Variants in MECOM observed in about 807,000 individuals in gnomAD.
MECOM encodes the protein histone-lysine N-methyltransferase MECOM.
MECOM carries 13 observed loss-of-function variants against 116.3 expected under a neutral mutation model. The observed-to-expected ratio is 0.11, with a 90% CI of 0.07 to 0.18. The LOEUF is 0.18. Ranked by LOEUF, MECOM falls within the 10% of genes least tolerant of loss-of-function variation. MECOM has a pLI of 1.00. For missense variants in MECOM, 1,299 were observed against 1,509.0 expected, an observed-to-expected ratio of 0.86 and a Z score of 2.31; for synonymous variants, 528 against 535.2, an observed-to-expected ratio of 0.99 and a Z score of 0.19.
At chr3:169,160,333 T>C (rs1434935825) in intron 2 of MECOM, among the ~76,000 whole-genome samples, 1 of 151,924 alleles carries the variant, frequency 6.6e-6, no homozygotes, top group Admixed American at 6.6e-5. Flanking sequence ...AATAAGAATC[T>C]TCAAAATTAC....
chr3:169,616,713 A>G (rs1378715882), intron 1 of MECOM, among the ~76,000 whole-genome samples: 1 of 152,214 alleles, frequency 6.6e-6, no homozygotes, highest in Non-Finnish European at 1.5e-5. Flanking sequence ...TTCAAACTAC[A>G]TCACCTACCT....
intron 2 of MECOM, among the ~76,000 whole-genome samples, chr3:169,267,115 A>G (rs990276049): frequency 6.6e-6 from 1 of 152,244 alleles, no homozygotes; most frequent in African/African-American, 2.4e-5. Context: ...ACGATTTGCA[A>G]CCATGTTGAG....
intron 7 of MECOM, 106 bp downstream of exon 7, chr3:169,120,950 T>C: frequency 8.4e-7 from 1 of 1,187,194 alleles, no homozygotes; most frequent in Non-Finnish European, 1.2e-6. Flanking sequence ...CATAAATAGC[T>C]AACACGGTGA....
At chr3:169,200,157 A>G (rs965596524) in intron 2 of MECOM, among the ~76,000 whole-genome samples, 5 of 152,126 alleles carry the variant, frequency 3.3e-5, no homozygotes, top group Admixed American at 3.3e-4. Flanking sequence ...GTATTTAACC[A>G]CATGCAAACT....
chr3:169,388,166 C>CACA (rs1733675209), intron 1 of MECOM, among the ~76,000 whole-genome samples: 1 of 152,064 alleles, frequency 6.6e-6, no homozygotes, highest in African/African-American at 2.4e-5. Flanking sequence ...AGCACATGAG[C>CACA]ACAAGTCCAT....
chr3:169,586,965 G>A (rs569887882), intron 1 of MECOM, among the ~76,000 whole-genome samples: 1 of 152,240 alleles, frequency 6.6e-6, no homozygotes, highest in Admixed American at 6.5e-5. Context: ...CATTTATTGA[G>A]GACTATGTGC....
chr3:169,513,198 A>G (rs1307570853), intron 1 of MECOM, among the ~76,000 whole-genome samples: 1 of 152,200 alleles, frequency 6.6e-6, no homozygotes, highest in African/African-American at 2.4e-5. Flanking sequence ...AGCTTATGGC[A>G]GATTATGTCA....
At chr3:169,196,018 A>C (rs909391545) in intron 2 of MECOM, among the ~76,000 whole-genome samples, 21 of 152,062 alleles carry the variant, frequency 1.4e-4, no homozygotes, top group African/African-American at 5.1e-4. Flanking sequence ...CTTTGGACTT[A>C]GCCAGGATTC....
chr3:169,348,604 T>A (rs549411207), intron 2 of MECOM, among the ~76,000 whole-genome samples: 5 of 152,118 alleles, frequency 3.3e-5, no homozygotes, highest in African/African-American at 1.2e-4. Context: ...ACACTGTAAT[T>A]ACTATTATTA....
chr3:169,282,296 A>G (rs1348691754), intron 2 of MECOM, among the ~76,000 whole-genome samples: 2 of 152,172 alleles, frequency 1.3e-5, no homozygotes, highest in African/African-American at 4.8e-5. Context: ...TTTCAAGGTC[A>G]AGCAAGTAAG....
chr3:169,241,520 TA>T (rs767787007), intron 2 of MECOM, among the ~76,000 whole-genome samples: 19 of 152,124 alleles, frequency 1.2e-4, no homozygotes, highest in Non-Finnish European at 2.2e-4. Flanking sequence ...TACCTTAAGC[TA>T]GGGGGAAACA....
At chr3:169,343,167 C>T (rs1315470973) in intron 2 of MECOM, among the ~76,000 whole-genome samples, 1 of 152,128 alleles carries the variant, frequency 6.6e-6, no homozygotes, top group Admixed American at 6.6e-5. Flanking sequence ...CTGTCTTTAG[C>T]AGGTTTTTGT....
At position 169,115,501 on chromosome 3, in the gene MECOM, G is replaced by A; in HGVS notation, c.2371C>T (p.Pro791Ser). The A allele has an allele frequency of 6.2e-7, 1 of 1,614,054 alleles. No homozygotes were observed. Among genetic ancestry groups the A allele is most frequent in the Non-Finnish European group, 8.5e-7 (1 of 1,180,012 alleles). ...CCCCCAAACACGTGGTTTTTTCGAGGCTCAGTCAGCTTTGTCCCACTGGCT... is the reference window on the plus strand; with the variant it reads ...CCCCCAAACACGTGGTTTTTTCGAGACTCAGTCAGCTTTGTCCCACTGGCT... ...SRASGTKLTEPRKNHVFGGKK... is the reference protein window; with the variant it reads ...SRASGTKLTESRKNHVFGGKK... Residue 791 changes from proline (P) to serine (S), a missense_variant, in exon 8 of 17, where the codon CCT becomes TCT. Pro to Ser is a moderately conservative substitution (Grantham distance 74). Transcript: ENST00000651503.
intron 2 of MECOM, among the ~76,000 whole-genome samples, chr3:169,215,040 G>A (rs1577366569): frequency 6.6e-6 from 1 of 150,634 alleles, no homozygotes. Context: ...AAAATAGAAA[G>A]GCAGTTGTTA....
intron 1 of MECOM, among the ~76,000 whole-genome samples, chr3:169,545,791 T>C (rs1284331936): frequency 6.6e-6 from 1 of 152,150 alleles, no homozygotes; most frequent in Non-Finnish European, 1.5e-5. Context: ...TTCCCTGACA[T>C]GAATCTCTGC....
chr3:169,611,381 C>T lies in MECOM; in HGVS notation c.37+51955G>A, dbSNP rs533504287. Among the ~76,000 whole-genome samples the T allele has an allele frequency of 1.6e-4, 24 of 152,324 alleles. No individual in the cohort carries two copies. The highest frequency in any genetic ancestry group is 3.6e-4 in the African/African-American group (15 of 41,568). On this transcript the variant is annotated intron_variant, in intron 1 of 16. Coordinates refer to ENST00000651503, the MANE Select transcript of MECOM (RefSeq NM_004991.4). The surrounding 1 kb of genome is among the most constrained non-coding windows in gnomAD (Gnocchi z 4.1). ...TGCAGCTCTCAACCATGCGGAGGAA[C>T]GCTTCCATTCACACATTTTGTCCCC...
At chr3:169,284,091 G>A (rs184411140) in intron 2 of MECOM, among the ~76,000 whole-genome samples, 1 of 152,312 alleles carries the variant, frequency 6.6e-6, no homozygotes, top group Non-Finnish European at 1.5e-5. Context: ...GCTGGTGCCA[G>A]GCTTTGTGCC....
At chr3:169,097,987 G>A (rs1722268997) in intron 12 of MECOM, among the ~76,000 whole-genome samples, 1 of 151,994 alleles carries the variant, frequency 6.6e-6, no homozygotes, top group Non-Finnish European at 1.5e-5. Flanking sequence ...GTCAGCCACA[G>A]GAAGCAGACA....
chr3:169,455,573 A>G lies in MECOM; in HGVS notation c.38-74049T>C, dbSNP rs148203174. Among the ~76,000 whole-genome samples the G allele has an allele frequency of 3.0e-4, 46 of 152,254 alleles. No individual in the cohort carries two copies. The East Asian group carries it at 7.9e-3, about 26-fold the overall frequency. On this transcript the variant is annotated intron_variant, in intron 1 of 16. Transcript: ENST00000651503. ...AAACCCCATTATTTCTATGAGAATG[A>G]CTCTCATAATTCCGGAATATTTTAC... is the stretch of plus-strand genomic sequence containing the variant.
Sources: gnomAD v4.1 joint callset for allele counts (sites outside exome capture counted in the v4.1 genomes callset) on GRCh38, gnomAD v4.1.1 for gene constraint, Gnocchi (gnomAD v3.1) non-coding constraint, MANE v1.5 for transcripts, NCBI Gene and HGNC (gene_info 2026-07-23, HGNC 2026-07-21) for gene names.